Variants in ARHGAP31 observed in about 807,000 individuals in gnomAD.
ARHGAP31 encodes the protein Rho GTPase activating protein 31, also known as rho GTPase-activating protein 31.
In ARHGAP31, 34 loss-of-function variants were observed where a neutral mutation model predicts 113.9. The observed-to-expected ratio is 0.30, with a 90% CI of 0.23 to 0.40. The LOEUF (loss-of-function observed/expected upper bound fraction) is 0.40, where lower values mean the gene tolerates loss of function less well. Among genes scored for constraint, ARHGAP31 ranks in the 10% least tolerant of loss-of-function variants. The pLI, the probability that ARHGAP31 is intolerant of heterozygous loss-of-function variation, is 1.00. For missense variants in ARHGAP31, 1,548 were observed against 1,767.1 expected, an observed-to-expected ratio of 0.88 and a Z score of 2.22; for synonymous variants, 650 against 684.8, an observed-to-expected ratio of 0.95 and a Z score of 0.79.
At chr3:119,309,684 C>T (rs976000829) in intron 1 of ARHGAP31, among the ~76,000 whole-genome samples, 13 of 152,150 alleles carry the variant, frequency 8.5e-5, no homozygotes, top group South Asian at 2.1e-4. Flanking sequence ...TGCTTGAGCC[C>T]AGGAGGTCAA....
At chr3:119,322,636 C>G (rs1433657078) in intron 1 of ARHGAP31, 1 of 152,596 alleles carries the variant, frequency 6.6e-6, no homozygotes, top group Non-Finnish European at 1.5e-5. Flanking sequence ...GGACCAGCGT[C>G]GAAGACAAAG....
In ARHGAP31 at chr3:119,365,334, G is replaced by C. The variant is rs2080244519; in HGVS notation, c.119G>C (p.Ser40Thr). ...SGQDVPYVLK[S>T]CAEFIETHGI... ...TACATAGTTCCATACGTTTTGAAGA[G>C]CTGTGCAGAATTTATAGAGACTCAC... is the stretch of plus-strand genomic sequence containing the variant. The change falls in exon 2 of 12, where the codon AGC (serine) becomes ACC (threonine). Residue 40 changes from serine (S) to threonine (T), a missense_variant. Ser to Thr is a moderately conservative substitution (Grantham distance 58). Coordinates refer to ENST00000264245, the MANE Select transcript of ARHGAP31 (RefSeq NM_020754.4). The C allele has an allele frequency of 6.2e-7, 1 of 1,613,880 alleles. No individual in the cohort carries two copies. The highest frequency in any genetic ancestry group is 1.7e-5 in the Admixed American group (1 of 60,004).
Position 119,390,936 on chromosome 3 carries a change from T to TGGGCA in ARHGAP31, c.834_835insGGGCA (p.Pro279GlyfsTer45), listed in dbSNP as rs1436046572. Reference sequence around the variant, plus strand: ...AGAACAGCCTGCCTGAGATTGTCCCTCCCATGGGCACCCTCTTCCACACTG... The same window carrying TGGGCA: ...AGAACAGCCTGCCTGAGATTGTCCCTGGGCACCCATGGGCACCCTCTTCCACACTG... On this transcript the variant is annotated frameshift_variant, in exon 7 of 12. Transcript: ENST00000264245. LOFTEE classifies it high-confidence loss of function. 7 of 1,614,102 alleles carry TGGGCA rather than the reference T, an allele frequency of 4.3e-6. No homozygotes were observed. Among genetic ancestry groups the TGGGCA allele is most frequent in the Non-Finnish European group, 4.2e-6 (5 of 1,180,014 alleles).
At chr3:119,349,985 A>G (rs2080097045) in intron 1 of ARHGAP31, among the ~76,000 whole-genome samples, 1 of 152,200 alleles carries the variant, frequency 6.6e-6, no homozygotes, top group Non-Finnish European at 1.5e-5. Context: ...TGAACACCAA[A>G]GAGATTTCAG....
intron 10 of ARHGAP31, among the ~76,000 whole-genome samples, chr3:119,404,443 A>C (rs2080643101): frequency 6.6e-6 from 1 of 152,102 alleles, no homozygotes; most frequent in African/African-American, 2.4e-5. Context: ...CTGAGGGTGG[A>C]AGGGGGCTGC....
chr3:119,321,279 C>CATATATGTATACATATATGTATACA (rs1171027475), intron 1 of ARHGAP31, among the ~76,000 whole-genome samples: 2 of 140,438 alleles, frequency 1.4e-5, no homozygotes, highest in African/African-American at 5.2e-5. Flanking sequence ...TATATATATA[C>CATATATGTATACATATATGTATACA]TATATATATA....
chr3:119,397,451 G>A (rs1057128079), intron 8 of ARHGAP31, among the ~76,000 whole-genome samples: 1 of 152,200 alleles, frequency 6.6e-6, no homozygotes, highest in African/African-American at 2.4e-5. Context: ...GCATGTCCTA[G>A]AATACACAAA....
At chr3:119,384,741 G>T (rs1252528279) in intron 6 of ARHGAP31, among the ~76,000 whole-genome samples, 3 of 152,124 alleles carry the variant, frequency 2.0e-5, no homozygotes, top group Admixed American at 1.3e-4. Flanking sequence ...TGGGGATCAA[G>T]TTCCCAACAC....
At chr3:119,368,582 G>A (rs2080269993) in intron 3 of ARHGAP31, 66 bp downstream of exon 3, 14 of 1,579,372 alleles carry the variant, frequency 8.9e-6, no homozygotes, top group African/African-American at 1.3e-5. Context: ...AAGAGTTTCA[G>A]CACTAAAATA....
chr3:119,362,963 C>T (rs541287125), intron 1 of ARHGAP31, among the ~76,000 whole-genome samples: 1 of 152,044 alleles, frequency 6.6e-6, no homozygotes, highest in African/African-American at 2.4e-5. Flanking sequence ...TTCTTATATG[C>T]CAGGGTCTGT....
At chr3:119,379,033 T>G (rs776807343) in intron 3 of ARHGAP31, among the ~76,000 whole-genome samples, 2 of 152,202 alleles carry the variant, frequency 1.3e-5, no homozygotes, top group South Asian at 2.1e-4. Context: ...CATAGAGAAG[T>G]TGGATTGCCT....
intron 6 of ARHGAP31, among the ~76,000 whole-genome samples, chr3:119,388,594 T>C (rs1195975420): frequency 6.6e-6 from 1 of 152,090 alleles, no homozygotes; most frequent in Non-Finnish European, 1.5e-5. Context: ...TGGCAGCCTC[T>C]ACCAGCATCT....
In ARHGAP31 at chr3:119,414,486, G is replaced by C. The variant is rs147162240; in HGVS notation, c.2557G>C (p.Ala853Pro). The change falls in exon 12 of 12, where the codon GCT (alanine) becomes CCT (proline). Residue 853 changes from alanine to proline, a missense_variant. Physicochemically the swap from Ala to Pro is conservative, Grantham distance 27. Transcript: ENST00000264245. ...HSDKQNSKNA[A>P]SEGKGCGFPS... Reference sequence around the variant, plus strand: ...TGACAAGCAAAATTCAAAGAATGCTGCTTCTGAGGGGAAAGGCTGTGGTTT... The same window carrying C: ...TGACAAGCAAAATTCAAAGAATGCTCCTTCTGAGGGGAAAGGCTGTGGTTT... 94 of 1,614,240 alleles carry C rather than the reference G, an allele frequency of 5.8e-5. 1 individual carries two copies. In the East Asian group the frequency reaches 2.1e-3, roughly 36 times the overall value.
At chr3:119,409,866 T>A (rs557703029) in intron 11 of ARHGAP31, 90 bp downstream of exon 11, 105 of 1,319,678 alleles carry the variant, frequency 8.0e-5, no homozygotes, top group South Asian at 6.6e-4. Flanking sequence ...GAAAAAAAAT[T>A]TTTTTTTGAA....
At chr3:119,376,993 C>T (rs574927257) in intron 3 of ARHGAP31, among the ~76,000 whole-genome samples, 76 of 152,332 alleles carry the variant, frequency 5.0e-4, no homozygotes, top group Non-Finnish European at 1.0e-3. Flanking sequence ...AAAGGAGCTG[C>T]CTCTGCAATG....
intron 1 of ARHGAP31, among the ~76,000 whole-genome samples, chr3:119,359,297 C>T (rs1559978866): frequency 6.6e-6 from 1 of 151,994 alleles, no homozygotes; most frequent in Non-Finnish European, 1.5e-5. Flanking sequence ...GGATTATAGG[C>T]AGCCTGAGCC....
intron 1 of ARHGAP31, among the ~76,000 whole-genome samples, chr3:119,311,687 C>T (rs1679844953): frequency 6.6e-6 from 1 of 152,094 alleles, no homozygotes; most frequent in Non-Finnish European, 1.5e-5. Context: ...CAAATGCCAC[C>T]ATCTGCTAAG....
In ARHGAP31 at chr3:119,294,861, G is replaced by C. The variant is rs2079519032; in HGVS notation, c.-44G>C. The C allele has an allele frequency of 6.3e-7, 1 of 1,579,104 alleles. No individual in the cohort carries two copies. Among genetic ancestry groups the C allele is most frequent in the African/African-American group, 1.3e-5 (1 of 74,206 alleles). On this transcript the variant is annotated 5_prime_UTR_variant, in exon 1 of 12. Transcript: ENST00000264245. ...GCCCATCTTACAGCGGTGCCAAGCA[G>C]AGGGGCGGCAGAGACGGAGGGGCAG...
In ARHGAP31 at chr3:119,415,455, C is replaced by T. The variant is rs756647176; in HGVS notation, c.3526C>T (p.Arg1176Cys). The T allele has an allele frequency of 1.5e-5, 24 of 1,614,034 alleles. No homozygotes were observed. The highest frequency in any genetic ancestry group is 1.7e-5 in the Admixed American group (1 of 60,022). The part of the protein sequence containing the change: ...DIVAHALTGR[R>C]NSAPVSVSAV... ...TGTTGCTCATGCACTGACAGGCCGCCGTAACTCAGCTCCTGTGAGTGTGTC... is the reference window on the plus strand; with the variant it reads ...TGTTGCTCATGCACTGACAGGCCGCTGTAACTCAGCTCCTGTGAGTGTGTC... The change falls in exon 12 of 12, where the codon CGT (arginine) becomes TGT (cysteine). Residue 1176 changes from arginine to cysteine, a missense_variant. Physicochemically the swap from Arg to Cys is radical, Grantham distance 180. Coordinates refer to ENST00000264245, the MANE Select transcript of ARHGAP31 (RefSeq NM_020754.4).
Sources: allele counts gnomAD v4.1 joint callset (sites outside exome capture counted in the v4.1 genomes callset), GRCh38; gene constraint gnomAD v4.1.1; transcripts MANE v1.5; gene names NCBI Gene and HGNC (gene_info 2026-07-23, HGNC 2026-07-21).